The following SGSM2 variants were observed in gnomAD, a reference collection of about 807,000 sequenced individuals.
SGSM2 encodes small G protein signaling modulator 2.
A neutral mutation model predicts 126.6 loss-of-function variants in SGSM2; 89 were observed. The observed-to-expected ratio is 0.70, with a 90% CI of 0.59 to 0.84. SGSM2 has a LOEUF of 0.84. Ranked by LOEUF, SGSM2 falls within the 40% of genes least tolerant of loss-of-function variation. SGSM2 has a pLI of 0.00. For missense variants in SGSM2, 1,404 were observed against 1,416.6 expected (o/e 0.99, Z 0.14); for synonymous variants, 614 against 574.3 (o/e 1.07, Z -0.99).
rs771187569 is a variant in SGSM2 at position 2,377,084 on chromosome 17, A to G, written c.2802+16A>G. On this transcript the variant is annotated intron_variant, in intron 21 of 23. Transcript: ENST00000268989. The stretch of plus-strand genomic sequence containing the variant: ...CCTCATCCAGGTGAGGCCGGTTGCC[A>G]CCCATGGGCATGGGAGCAGGCAGTG... 2 of 1,567,974 alleles carry G rather than the reference A, an allele frequency of 1.3e-6. No individual in the cohort carries two copies. Among genetic ancestry groups the G allele is most frequent in the Non-Finnish European group, 1.8e-6 (2 of 1,142,092 alleles).
In SGSM2 at chr17:2,364,085, C is replaced by T; in HGVS notation, c.834C>T (p.Gly278=). Residue 278 remains glycine, a synonymous_variant, in exon 8 of 24, where the codon GGC becomes GGT. Transcript: ENST00000268989. ...AGGAGGATATGGAGGCGGTCCCTGG[C>T]TACCTCTCCCTGCACCAGTCTGCAG... ...QPKEDMEAVP[G]YLSLHQSAES... The T allele has an allele frequency of 6.2e-7, 1 of 1,614,056 alleles. No homozygotes were observed. The highest frequency in any genetic ancestry group is 8.5e-7 in the Non-Finnish European group (1 of 1,179,998).
intron 13 of SGSM2, 81 bp downstream of exon 13, chr17:2,371,496 C>T: frequency 6.8e-7 from 1 of 1,477,358 alleles, no homozygotes; most frequent in Non-Finnish European, 9.0e-7. Context: ...AAGGCCGTGT[C>T]ACCTGCACGA....
intron 17 of SGSM2, chr17:2,373,717 TGAGA>T: frequency 1.7e-6 from 1 of 583,400 alleles, no homozygotes; most frequent in East Asian, 2.8e-5. Context: ...AGGAATAAAG[TGAGA>T]GAGTGCATTG....
intron 2 of SGSM2, among the ~76,000 whole-genome samples, chr17:2,344,322 G>A (rs933300816): frequency 5.3e-5 from 8 of 152,214 alleles, no homozygotes; most frequent in Non-Finnish European, 8.8e-5. Flanking sequence ...ACTCTTCTTG[G>A]ATTTCTAGGA....
intron 17 of SGSM2, 114 bp from the exon 18 acceptor site, chr17:2,375,378 T>G: frequency 7.5e-7 from 1 of 1,336,346 alleles, no homozygotes. Context: ...GAGGCTGTGG[T>G]GGGAGAGGGG....
In SGSM2 at chr17:2,372,010, C is replaced by G. The variant is rs1158458140; in HGVS notation, c.1578-180C>G. 13 of 668,054 alleles carry G rather than the reference C, an allele frequency of 1.9e-5. No homozygotes were observed. The highest frequency in any genetic ancestry group is 2.9e-5 in the Non-Finnish European group (12 of 414,772). 41.4% of individuals were successfully genotyped at this position (668,054 alleles called of 1,614,324 possible). A position where few individuals can be genotyped will look rare whatever the true frequency, so the allele number is the denominator to read the frequency against. ...GGGGCCAGGCGGGGGCCCCACAGCACTCTGTCCAGGTGGCAGGCAGGGACA... is the reference window on the plus strand; with the variant it reads ...GGGGCCAGGCGGGGGCCCCACAGCAGTCTGTCCAGGTGGCAGGCAGGGACA... On this transcript the variant is annotated intron_variant, in intron 13 of 23. Coordinates refer to ENST00000268989, the MANE Select transcript of SGSM2 (RefSeq NM_014853.3). This position sits in a 1 kb window ranked among gnomAD's most constrained non-coding sequence, Gnocchi z 6.0.
chr17:2,369,517 C>G (rs2065762115), intron 12 of SGSM2, among the ~76,000 whole-genome samples: 2 of 152,244 alleles, frequency 1.3e-5, no homozygotes, highest in Admixed American at 6.5e-5. Flanking sequence ...TGCCCTCACC[C>G]AGTCACGCCA....
intron 2 of SGSM2, among the ~76,000 whole-genome samples, chr17:2,350,088 A>T (rs971835808): frequency 1.3e-5 from 2 of 151,822 alleles, no homozygotes; most frequent in African/African-American, 4.8e-5. Flanking sequence ...CGCCTGGCCT[A>T]ATTTTTGTAT....
chr17:2,378,909 T>TCAGCCC lies in SGSM2; in HGVS notation c.2900-115_2900-110dup, dbSNP rs1261991805. On this transcript the variant is annotated intron_variant, in intron 22 of 23. Transcript: ENST00000268989. ...CTGTGAGCAGCCAGTCCGGCCAGCA[T>TCAGCCC]CAGCCCCAGCCCCAGCCTCAGCCTC... 5.1e-5 allele frequency: 59 copies of TCAGCCC among 1,157,080 alleles called. No individual in the cohort carries two copies. The Middle Eastern group carries it at 9.8e-4, about 19-fold the overall frequency. 71.7% of individuals were successfully genotyped at this position (1,157,080 alleles called of 1,614,324 possible).
At chr17:2,338,650 G>GT (rs2064197949) in intron 1 of SGSM2, among the ~76,000 whole-genome samples, 1 of 151,978 alleles carries the variant, frequency 6.6e-6, no homozygotes, top group African/African-American at 2.4e-5. Flanking sequence ...TAGGCACTCC[G>GT]TGACTGTTTG....
chr17:2,338,162 C>T (rs575335291), intron 1 of SGSM2, among the ~76,000 whole-genome samples: 2 of 152,232 alleles, frequency 1.3e-5, no homozygotes, highest in African/African-American at 4.8e-5. Flanking sequence ...TTCCCCACGT[C>T]CTAAGTGGGT....
intron 1 of SGSM2, among the ~76,000 whole-genome samples, chr17:2,341,682 T>C (rs1305775670): frequency 1.3e-5 from 2 of 152,228 alleles, no homozygotes. Flanking sequence ...TCTCCAGTAC[T>C]AGGACTGCCT....
At chr17:2,368,485 A>C (rs1456078239) in intron 12 of SGSM2, among the ~76,000 whole-genome samples, 2 of 151,384 alleles carry the variant, frequency 1.3e-5, no homozygotes, top group Non-Finnish European at 2.9e-5. Flanking sequence ...AATATGTCAC[A>C]CTCCCCTTAG....
At chr17:2,347,895 G>GC (rs769086068) in intron 2 of SGSM2, among the ~76,000 whole-genome samples, 4 of 152,152 alleles carry the variant, frequency 2.6e-5, no homozygotes, top group Non-Finnish European at 5.9e-5. Flanking sequence ...AGGTTCTCAG[G>GC]CCAATCATAT....
At position 2,376,945 on chromosome 17, in the gene SGSM2, C is replaced by G; in HGVS notation, c.2693-14C>G. On this transcript the variant is annotated splice_polypyrimidine_tract_variant and intron_variant, in intron 20 of 23. Coordinates refer to ENST00000268989, the MANE Select transcript of SGSM2 (RefSeq NM_014853.3). ...GTCTCCTGCCCTGCCAGCTTCACTC[C>G]TGTCTCCCCTCAGATCAGCTGGCCT... 1 of 1,609,910 alleles carries G rather than the reference C, an allele frequency of 6.2e-7. No individual in the cohort carries two copies. The highest frequency in any genetic ancestry group is 8.5e-7 in the Non-Finnish European group (1 of 1,176,824).
intron 3 of SGSM2, 76 bp downstream of exon 3, chr17:2,361,875 A>G: frequency 6.6e-7 from 1 of 1,504,990 alleles, no homozygotes; most frequent in Non-Finnish European, 8.9e-7. Context: ...TAGGACACCC[A>G]TCGGAAAGTT....
At chr17:2,346,776 TAGG>T (rs1325296946) in intron 2 of SGSM2, among the ~76,000 whole-genome samples, 7 of 152,052 alleles carry the variant, frequency 4.6e-5, no homozygotes, top group Non-Finnish European at 5.9e-5. Context: ...AGGGTGGCGC[TAGG>T]AGAATGGACT....
rs140024618 is a variant in SGSM2, at chr17:2,380,040, G to A, written c.*520G>A. On this transcript the variant is annotated 3_prime_UTR_variant, in exon 24 of 24. Transcript: ENST00000268989. ...TGGTTTAGGCACACGTCACGGGTGC[G>A]GGAGACCCGGGCACGGGAGACCCGG... The A allele has an allele frequency of 4.6e-5, 64 of 1,391,814 alleles. No individual in the cohort carries two copies. In the Admixed American group the frequency reaches 9.5e-4, roughly 21 times the overall value. The allele number at this position is 1,391,814 out of a possible 1,614,324, so 86.2% of individuals were successfully genotyped here. A position where few individuals can be genotyped will look rare whatever the true frequency, so the allele number is the denominator to read the frequency against.
At chr17:2,366,271 A>G (rs534293581) in intron 11 of SGSM2, among the ~76,000 whole-genome samples, 1 of 152,230 alleles carries the variant, frequency 6.6e-6, no homozygotes, top group South Asian at 2.1e-4. Flanking sequence ...CTCTCTGTCT[A>G]TGTGCATCTA....
Sources: allele counts gnomAD v4.1 joint callset (sites outside exome capture counted in the v4.1 genomes callset), GRCh38; gene constraint gnomAD v4.1.1; non-coding constraint Gnocchi (gnomAD v3.1); transcripts MANE v1.5; gene names NCBI Gene and HGNC (gene_info 2026-07-23, HGNC 2026-07-21).